SCAMP2: variants seen among roughly 807,000 people sequenced by gnomAD.
SCAMP2 encodes secretory carrier-associated membrane protein 2.
SCAMP2 carries 25 observed loss-of-function variants against 44.1 expected under a neutral mutation model. That is an observed-to-expected ratio of 0.57 (90% CI 0.41 to 0.79). The LOEUF is 0.79. Ranked by LOEUF, SCAMP2 falls within the 30% of genes least tolerant of loss-of-function variation. The pLI, the probability that SCAMP2 is intolerant of heterozygous loss-of-function variation, is 0.00. For missense variants in SCAMP2, 355 were observed against 411.0 expected, an observed-to-expected ratio of 0.86 and a Z score of 1.18; for synonymous variants, 156 against 166.0, an observed-to-expected ratio of 0.94 and a Z score of 0.46.
chr15:74,861,892 CT>C (rs2064506505), intron 1 of SCAMP2, among the ~76,000 whole-genome samples: 1 of 129,916 alleles, frequency 7.7e-6, no homozygotes. Context: ...CAGAGCAAGA[CT>C]CTGTCTCAAA....
chr15:74,850,429 G>A, intron 6 of SCAMP2, 85 bp downstream of exon 6: 4 of 1,202,600 alleles, frequency 3.3e-6, no homozygotes, highest in Non-Finnish European at 4.8e-6. Context: ...CTAAGACTCA[G>A]ATGGGGTCCC....
chr15:74,845,698 T>C, intron 7 of SCAMP2, 105 bp from the exon 8 acceptor site: 1 of 1,389,526 alleles, frequency 7.2e-7, no homozygotes, highest in South Asian at 1.3e-5. Context: ...ACCATCACCT[T>C]GGCATCTCCC....
In SCAMP2 at chr15:74,850,565, A is replaced by T; in HGVS notation, c.581T>A (p.Phe194Tyr). ...FGLSILWFLI[F>Y]TPCAFLCWYR... ...CCAACAAAGGAAGGCACAGGGAGTG[A>T]AGATCAGAAACCACAGGATGGAGAG... is the stretch of plus-strand genomic sequence containing the variant. Residue 194 changes from phenylalanine (F) to tyrosine (Y), a missense_variant, in exon 6 of 9, where the codon TTC becomes TAC. Transcript: ENST00000268099. The T allele has an allele frequency of 6.2e-7, 1 of 1,614,152 alleles. No homozygotes were observed. The highest frequency in any genetic ancestry group is 8.5e-7 in the Non-Finnish European group (1 of 1,180,016).
At chr15:74,852,018 C>T in intron 4 of SCAMP2, 51 bp downstream of exon 4, 2 of 1,329,110 alleles carry the variant, frequency 1.5e-6, no homozygotes. Context: ...GGTTTCAGGA[C>T]ACTCTTCTAT....
chr15:74,869,125 G>C (rs914892679), intron 1 of SCAMP2, among the ~76,000 whole-genome samples: 1 of 152,142 alleles, frequency 6.6e-6, no homozygotes, highest in Non-Finnish European at 1.5e-5. Flanking sequence ...TTGCACTCTA[G>C]CCTGGGCAAA....
rs1007682934 is a variant in SCAMP2, at chr15:74,844,902, G to GA, written c.*180dup. On this transcript the variant is annotated 3_prime_UTR_variant, in exon 9 of 9. Coordinates refer to ENST00000268099, the MANE Select transcript of SCAMP2 (RefSeq NM_005697.5). The stretch of plus-strand genomic sequence containing the variant: ...TTGTTTTTTTTTGTACATAGAGGGG[G>GA]AAAAAATTCCCTGTCCCTCCCGTTC... 28 of 626,736 alleles carry GA rather than the reference G, an allele frequency of 4.5e-5. No homozygotes were observed. Among genetic ancestry groups the GA allele is most frequent in the East Asian group, 8.4e-5 (3 of 35,826 alleles). The allele number at this position is 626,736 out of a possible 1,614,324, so 38.8% of individuals were successfully genotyped here. A position where few individuals can be genotyped will look rare whatever the true frequency, so the allele number is the denominator to read the frequency against.
At chr15:74,857,504 GCTC>G (rs1161753667) in intron 1 of SCAMP2, among the ~76,000 whole-genome samples, 1 of 152,216 alleles carries the variant, frequency 6.6e-6, no homozygotes, top group African/African-American at 2.4e-5. Context: ...CACAGAAGTG[GCTC>G]CTCGAGTCTG....
In SCAMP2 at chr15:74,845,009, C is replaced by T. The variant is rs2064386429; in HGVS notation, c.*74G>A. On this transcript the variant is annotated 3_prime_UTR_variant, in exon 9 of 9. Transcript: ENST00000268099. Reference sequence around the variant, plus strand: ...TCTGTGCTGGGCACAACCACCACCACATAAGGCACCCACGGAAAGTGCAGC... The same window carrying T: ...TCTGTGCTGGGCACAACCACCACCATATAAGGCACCCACGGAAAGTGCAGC... 41 of 1,538,966 alleles carry T rather than the reference C, an allele frequency of 2.7e-5. No homozygotes were observed. The South Asian group carries it at 4.2e-4, about 16-fold the overall frequency.
intron 6 of SCAMP2, among the ~76,000 whole-genome samples, chr15:74,849,637 C>T (rs951436913): frequency 2.0e-5 from 3 of 147,676 alleles, no homozygotes; most frequent in Non-Finnish European, 3.0e-5. Flanking sequence ...CCAGCTACTC[C>T]GGAGGCTGAG....
rs1322858743 is a variant in SCAMP2, at chr15:74,850,637, C to A, written c.509G>T (p.Cys170Phe). Residue 170 changes from cysteine (C) to phenylalanine (F), a missense_variant, in exon 6 of 9, where the codon TGC (cysteine) becomes TTC (phenylalanine). By Grantham distance (205) the Cys-to-Phe change is radical. Transcript: ENST00000268099. ...SVTLFLNLLA[C>F]LAWFSGNSSK... ...GCTGTTGCCCGAGAACCAGGCCAGG[C>A]AGGCAAGCAGGTTCAGAAACAGAGT... The A allele has an allele frequency of 2.5e-6, 4 of 1,613,976 alleles. No homozygotes were observed. The African/African-American group carries it at 5.3e-5, about 22-fold the overall frequency.
chr15:74,858,704 T>G (rs564736773), intron 1 of SCAMP2, among the ~76,000 whole-genome samples: 1 of 151,618 alleles, frequency 6.6e-6, no homozygotes, highest in South Asian at 2.1e-4. Context: ...TTGAAGGCGC[T>G]CAGTGAATAT....
chr15:74,852,254 G>A, intron 3 of SCAMP2, 68 bp from the exon 4 acceptor site: 1 of 1,189,068 alleles, frequency 8.4e-7, no homozygotes, highest in Non-Finnish European at 1.1e-6. Context: ...AGCCTGGGTA[G>A]GCAGGCAGAG....
chr15:74,871,722 A>C (rs2064576683), intron 1 of SCAMP2, among the ~76,000 whole-genome samples: 1 of 151,640 alleles, frequency 6.6e-6, no homozygotes, highest in African/African-American at 2.4e-5. Context: ...ACTGCACTCC[A>C]GCCTGGGCAA....
At chr15:74,849,089 A>G (rs1424327979) in intron 6 of SCAMP2, among the ~76,000 whole-genome samples, 2 of 151,550 alleles carry the variant, frequency 1.3e-5, no homozygotes, top group Non-Finnish European at 2.9e-5. Flanking sequence ...AGAACCTAAC[A>G]CTCCATCTCC....
At chr15:74,859,565 G>A (rs1015101022) in intron 1 of SCAMP2, among the ~76,000 whole-genome samples, 1 of 152,006 alleles carries the variant, frequency 6.6e-6, no homozygotes, top group Admixed American at 6.6e-5. Context: ...AGGGAAGAGA[G>A]GCAGGCAGAG....
chr15:74,852,130 C>A lies in SCAMP2; in HGVS notation c.282G>T (p.Arg94Ser). 6.3e-7 allele frequency: 1 copy of A among 1,591,340 alleles called. No individual in the cohort carries two copies. The highest frequency in any genetic ancestry group is 1.8e-5 in the Admixed American group (1 of 57,110). The stretch of plus-strand genomic sequence containing the variant: ...CCTTGCGTTCCAGCTCGGCAGCTTT[C>A]CTGTCCAGTTCTTCCTGCTGCCGGA... ...GLLRQQEELD[R>S]KAAELERKER... Residue 94 changes from arginine to serine, a missense_variant, in exon 4 of 9, where the codon AGG (arginine) becomes AGT (serine). Physicochemically the swap from Arg to Ser is moderately radical, Grantham distance 110. Coordinates refer to ENST00000268099, the MANE Select transcript of SCAMP2 (RefSeq NM_005697.5).
At chr15:74,850,109 A>T (rs1276423002) in intron 6 of SCAMP2, among the ~76,000 whole-genome samples, 2 of 152,198 alleles carry the variant, frequency 1.3e-5, no homozygotes, top group East Asian at 3.9e-4. Context: ...TTTATTGGGA[A>T]GCATCAATAG....
rs2064381968 is a variant in SCAMP2, at chr15:74,844,825, T to G, written c.*258A>C. On this transcript the variant is annotated 3_prime_UTR_variant, in exon 9 of 9. Transcript: ENST00000268099. The stretch of plus-strand genomic sequence containing the variant: ...CGAAGAGAACTTCAGTCCCACTGCT[T>G]CCAGAGACAAAAGAATCCTACCAAA... 3 of 429,854 alleles carry G rather than the reference T, an allele frequency of 7.0e-6. No individual in the cohort carries two copies. Among genetic ancestry groups the G allele is most frequent in the Non-Finnish European group, 1.3e-5 (3 of 235,660 alleles). The allele number at this position is 429,854 out of a possible 1,614,324, so 26.6% of individuals were successfully genotyped here.
intron 7 of SCAMP2, among the ~76,000 whole-genome samples, chr15:74,846,458 A>G (rs1461756687): frequency 2.7e-5 from 3 of 109,110 alleles, no homozygotes; most frequent in Non-Finnish European, 4.9e-5. Context: ...AAAAAAAAAA[A>G]AAAAGAAAAG....
Sources: allele counts gnomAD v4.1 joint callset (sites outside exome capture counted in the v4.1 genomes callset), GRCh38; gene constraint gnomAD v4.1.1; transcripts MANE v1.5; gene names NCBI Gene and HGNC (gene_info 2026-07-23, HGNC 2026-07-21).